The following DCC variants were observed in gnomAD, a reference collection of about 807,000 sequenced individuals.
The protein encoded by DCC is netrin receptor DCC.
Under a neutral mutation model 172.5 loss-of-function variants are expected in DCC, and 58 were observed. The ratio of observed to expected loss-of-function variants is 0.34; its 90% CI spans 0.27 to 0.42. The LOEUF is 0.42. Ranked by LOEUF, DCC falls within the 10% of genes least tolerant of loss-of-function variation. The pLI is 1.00. For missense variants in DCC, 1,740 were observed against 1,791.0 expected, an observed-to-expected ratio of 0.97 and a Z score of 0.51; for synonymous variants, 709 against 644.5, an observed-to-expected ratio of 1.10 and a Z score of -1.52.
At chr18:52,544,421 G>GT (rs34272642) in intron 1 of DCC, among the ~76,000 whole-genome samples, 33 of 141,234 alleles carry the variant, frequency 2.3e-4, no homozygotes, top group Non-Finnish European at 2.9e-4. Context: ...CTTCCAGGTA[G>GT]TTTTTTTTTC....
At chr18:53,472,462 C>G (rs2045708739) in intron 25 of DCC, among the ~76,000 whole-genome samples, 1 of 152,170 alleles carries the variant, frequency 6.6e-6, no homozygotes, top group Non-Finnish European at 1.5e-5. Context: ...TAGTTGCACT[C>G]CTCTTGTATT....
intron 7 of DCC, among the ~76,000 whole-genome samples, chr18:53,143,756 A>G (rs2043865543): frequency 1.3e-5 from 2 of 152,240 alleles, no homozygotes; most frequent in African/African-American, 4.8e-5. Flanking sequence ...CGTGGCATCA[A>G]GTTGTGAACT....
chr18:53,455,081 T>G (rs1312399450), intron 23 of DCC, among the ~76,000 whole-genome samples: 1 of 152,206 alleles, frequency 6.6e-6, no homozygotes, highest in Non-Finnish European at 1.5e-5. Context: ...TACTTATCAA[T>G]ATATCTTTTT....
At chr18:53,372,118 A>G (rs2058064883) in intron 15 of DCC, among the ~76,000 whole-genome samples, 1 of 152,168 alleles carries the variant, frequency 6.6e-6, no homozygotes, top group Non-Finnish European at 1.5e-5. Flanking sequence ...CTGGAAATAT[A>G]CACAAAGAAA....
At position 53,157,420 on chromosome 18, in the gene DCC, C is replaced by T. The variant is rs1348574964; in HGVS notation, c.1326C>T (p.Ser442=). The T allele has an allele frequency of 6.2e-7, 1 of 1,614,140 alleles. No homozygotes were observed. Among genetic ancestry groups the T allele is most frequent in the East Asian group, 2.2e-5 (1 of 44,878 alleles). The change falls in exon 8 of 29, where the codon AGC becomes AGT. Residue 442 remains serine (S), a synonymous_variant. Transcript: ENST00000442544. ...ATGTGGTCCCTGTCTTGGTTTCCAG[C>T]CGATTTGTCCGTCTCAGCTGGCGCC... The part of the protein sequence containing the change: ...PRDVVPVLVS[S]RFVRLSWRPP...
intron 12 of DCC, among the ~76,000 whole-genome samples, chr18:53,304,139 G>A (rs1170231480): frequency 6.6e-6 from 1 of 152,072 alleles, no homozygotes; most frequent in Admixed American, 6.6e-5. Flanking sequence ...TGGAGCCTGG[G>A]GTTTGGGGTT....
chr18:53,135,862 C>T (rs1230278117), intron 7 of DCC, among the ~76,000 whole-genome samples: 4 of 152,124 alleles, frequency 2.6e-5, no homozygotes, highest in Non-Finnish European at 5.9e-5. Flanking sequence ...TGACAGGTGT[C>T]ACCCAAGCTT....
intron 7 of DCC, among the ~76,000 whole-genome samples, chr18:53,076,251 C>G (rs1429832785): frequency 6.6e-6 from 1 of 152,090 alleles, no homozygotes; most frequent in Non-Finnish European, 1.5e-5. Flanking sequence ...GTCTACAAGC[C>G]TAGAGTCATA....
chr18:52,948,058 C>T (rs2040576840), intron 5 of DCC, among the ~76,000 whole-genome samples: 1 of 151,990 alleles, frequency 6.6e-6, no homozygotes, highest in Admixed American at 6.6e-5. Context: ...GGCGTTCTAG[C>T]TAAATAAAAT....
chr18:52,345,946 A>G (rs1983859416), intron 1 of DCC, among the ~76,000 whole-genome samples: 1 of 152,220 alleles, frequency 6.6e-6, no homozygotes, highest in Non-Finnish European at 1.5e-5. Context: ...ATGCCAACCT[A>G]GTTAAGCTAC....
chr18:53,011,819 A>G (rs1277291247), intron 5 of DCC, among the ~76,000 whole-genome samples: 1 of 151,616 alleles, frequency 6.6e-6, no homozygotes, highest in East Asian at 1.9e-4. Context: ...GCACAGGTTT[A>G]TCCAGTCCTT....
In DCC at chr18:52,432,247, T is replaced by A. The variant is rs192239225; in HGVS notation, c.91+91369T>A. Among the ~76,000 whole-genome samples, 4 of 152,112 alleles carry A rather than the reference T, an allele frequency of 2.6e-5. No homozygotes were observed. In the East Asian group the frequency reaches 5.8e-4, roughly 22 times the overall value. On this transcript the variant is annotated intron_variant, in intron 1 of 28. Coordinates refer to ENST00000442544, the MANE Select transcript of DCC (RefSeq NM_005215.4). ...AATGCATGGCTCTCATGATCAGGAG[T>A]GGAGAGGCTCAGGTCTCAGGTCTGG...
intron 12 of DCC, among the ~76,000 whole-genome samples, chr18:53,267,147 T>TAGAG (rs781656282): frequency 3.3e-5 from 5 of 150,210 alleles, no homozygotes; most frequent in Admixed American, 1.3e-4. Flanking sequence ...TATATATATA[T>TAGAG]ATAGAGAGAG....
At chr18:52,721,503 G>T (rs11082942) in intron 1 of DCC, among the ~76,000 whole-genome samples, 3 of 151,892 alleles carry the variant, frequency 2.0e-5, no homozygotes, top group Non-Finnish European at 4.4e-5. Flanking sequence ...AGACAAATCC[G>T]ACTTGTGTGA....
chr18:53,230,999 TCTGAGA>T (rs911145385), intron 12 of DCC, among the ~76,000 whole-genome samples: 6 of 151,914 alleles, frequency 3.9e-5, no homozygotes. Context: ...TGTTTTTTTT[TCTGAGA>T]CTATTTTCCA....
At chr18:52,718,870 G>A (rs1440661132) in intron 1 of DCC, among the ~76,000 whole-genome samples, 1 of 152,160 alleles carries the variant, frequency 6.6e-6, no homozygotes, top group Non-Finnish European at 1.5e-5. Context: ...ATCCTTTTAG[G>A]ACACTTGTAT....
intron 1 of DCC, among the ~76,000 whole-genome samples, chr18:52,590,208 A>G (rs2033769563): frequency 6.6e-6 from 1 of 152,002 alleles, no homozygotes; most frequent in African/African-American, 2.4e-5. Flanking sequence ...ATTTGGATTA[A>G]AAACTAAATT....
At chr18:52,961,997 T>G (rs1044036946) in intron 5 of DCC, among the ~76,000 whole-genome samples, 1 of 152,060 alleles carries the variant, frequency 6.6e-6, no homozygotes, top group East Asian at 1.9e-4. Flanking sequence ...CCTAAAACCA[T>G]AAAAACCCTA....
At chr18:52,718,934 T>A (rs1010633725) in intron 1 of DCC, among the ~76,000 whole-genome samples, 1 of 152,184 alleles carries the variant, frequency 6.6e-6, no homozygotes. Flanking sequence ...AGAAATGTAT[T>A]CTCTCACAGC....
Sources: gnomAD v4.1 joint callset for allele counts (sites outside exome capture counted in the v4.1 genomes callset) on GRCh38, gnomAD v4.1.1 for gene constraint, MANE v1.5 for transcripts, NCBI Gene and HGNC (gene_info 2026-07-23, HGNC 2026-07-21) for gene names.